Variants in P4HA1 observed in about 807,000 individuals in gnomAD.
The protein encoded by P4HA1 is prolyl 4-hydroxylase subunit alpha-1.
In P4HA1, 24 loss-of-function variants were observed where a neutral mutation model predicts 72.8. The ratio of observed to expected loss-of-function variants is 0.33; its 90% confidence interval spans 0.24 to 0.46. The LOEUF is 0.46. Among genes scored for constraint, P4HA1 ranks in the 20% least tolerant of loss-of-function variants. The pLI, the probability that P4HA1 is intolerant of heterozygous loss-of-function variation, is 1.00. For synonymous variants in P4HA1, 201 were observed against 218.8 expected (o/e 0.92, Z 0.72); for missense variants, 446 against 640.6 (o/e 0.70, Z 3.28).
intron 10 of P4HA1, among the ~76,000 whole-genome samples, chr10:73,028,327 C>CACACAA (rs1261803863): frequency 1.3e-5 from 2 of 150,084 alleles, no homozygotes; most frequent in African/African-American, 5.0e-5. Context: ...CACACACACA[C>CACACAA]ACACACACAC....
rs181643819 is a variant in P4HA1 at position 73,013,236 on chromosome 10, T to C, written c.1368+988A>G. On this transcript the variant is annotated intron_variant, in intron 12 of 14. Transcript: ENST00000394890. ...TTCGTCTGCAGTGGTAGGGTCTGTG[T>C]GCCCTCTCCTTGAAGCTGGGCAGAC... Among the ~76,000 whole-genome samples the C allele has an allele frequency of 2.2e-4, 33 of 152,370 alleles. No individual in the cohort carries two copies. In the East Asian group the frequency reaches 5.8e-3, roughly 27 times the overall value.
intron 9 of P4HA1, among the ~76,000 whole-genome samples, chr10:73,041,407 A>G (rs1269172731): frequency 6.6e-6 from 1 of 151,958 alleles, no homozygotes; most frequent in Non-Finnish European, 1.5e-5. Context: ...GCCGGGCAGC[A>G]GCGGGCGCCT....
Position 73,035,301 on chromosome 10 carries a change from G to A in P4HA1, c.1149-4931C>T, listed in dbSNP as rs78534348. ...GAAGCCAAGGTGGGAGGATCGTTTG[G>A]GGATAGGAGTTGAAGACCAGTCTGG... is the stretch of plus-strand genomic sequence containing the variant. On this transcript the variant is annotated intron_variant, in intron 9 of 14. Transcript: ENST00000394890. Among the ~76,000 whole-genome samples, 51 of 151,930 alleles carry A rather than the reference G, an allele frequency of 3.4e-4. 1 individual carries two copies. The East Asian group carries it at 6.4e-3, about 19-fold the overall frequency.
chr10:73,051,462 T>C (rs895685092), intron 6 of P4HA1, among the ~76,000 whole-genome samples: 3 of 152,268 alleles, frequency 2.0e-5, no homozygotes, highest in South Asian at 4.1e-4. Context: ...TAGTCACCTA[T>C]ATAAAAACAG....
At chr10:73,023,836 A>T (rs1413917724) in intron 10 of P4HA1, among the ~76,000 whole-genome samples, 7 of 151,784 alleles carry the variant, frequency 4.6e-5, no homozygotes, top group Non-Finnish European at 8.8e-5. Flanking sequence ...CAGCGGCTGC[A>T]ATCCTAGTCT....
intron 2 of P4HA1, 80 bp from the exon 3 acceptor site, chr10:73,073,907 C>A (rs1841629220): frequency 2.6e-6 from 2 of 757,690 alleles, no homozygotes; most frequent in Non-Finnish European, 4.8e-6. Context: ...GAGACTGTTT[C>A]ATTCTATGAG....
At chr10:73,091,403 G>A (rs892384794) in intron 1 of P4HA1, among the ~76,000 whole-genome samples, 6 of 152,096 alleles carry the variant, frequency 3.9e-5, no homozygotes, top group Non-Finnish European at 8.8e-5. Flanking sequence ...CTGGGCTCCA[G>A]AGATCTTCCC....
intron 10 of P4HA1, among the ~76,000 whole-genome samples, chr10:73,020,203 A>G (rs951196553): frequency 2.0e-5 from 3 of 152,132 alleles, no homozygotes; most frequent in African/African-American, 7.2e-5. Flanking sequence ...CAGAAATAAC[A>G]AAGGTGACAT....
At chr10:73,023,973 C>A (rs890255889) in intron 10 of P4HA1, among the ~76,000 whole-genome samples, 4 of 152,098 alleles carry the variant, frequency 2.6e-5, no homozygotes, top group African/African-American at 9.7e-5. Flanking sequence ...AATACAGGGG[C>A]ACCCAGATTC....
intron 5 of P4HA1, among the ~76,000 whole-genome samples, chr10:73,062,591 G>C (rs1195373696): frequency 6.6e-6 from 1 of 152,042 alleles, no homozygotes; most frequent in African/African-American, 2.4e-5. Flanking sequence ...TTAAGTGTCC[G>C]ATAACATCAC....
Position 73,046,900 on chromosome 10 carries a change from G to A in P4HA1, c.1077+25C>T, listed in dbSNP as rs200287308. 1.6e-5 allele frequency: 24 copies of A among 1,513,126 alleles called. No individual in the cohort carries two copies. The South Asian group carries it at 2.7e-4, about 17-fold the overall frequency. 93.7% of individuals were successfully genotyped at this position (1,513,126 alleles called of 1,614,324 possible). On this transcript the variant is annotated intron_variant, in intron 8 of 14. Transcript: ENST00000394890. Reference sequence around the variant, plus strand: ...TGATACAAAGGTACAGTAAATTGAGGAGAAAGAAAGAAAACATTATTTACC... The same window carrying A: ...TGATACAAAGGTACAGTAAATTGAGAAGAAAGAAAGAAAACATTATTTACC...
At chr10:73,043,870 C>A in intron 9 of P4HA1, 1 of 1,570,966 alleles carries the variant, frequency 6.4e-7, no homozygotes, top group South Asian at 1.1e-5. Flanking sequence ...CTAAAGTTCT[C>A]TCCATTACTC....
At position 73,010,943 on chromosome 10, in the gene P4HA1, A is replaced by G. The variant is rs769210298; in HGVS notation, c.1437+26T>C. Reference sequence around the variant, plus strand: ...TCTTCCTTAGGGAAAAAATTAATAAACCAAAAACAAAACAAACAGGCTTAC... The same window carrying G: ...TCTTCCTTAGGGAAAAAATTAATAAGCCAAAAACAAAACAAACAGGCTTAC... On this transcript the variant is annotated intron_variant, in intron 13 of 14. Transcript: ENST00000394890. 2.5e-6 allele frequency: 4 copies of G among 1,583,696 alleles called. No individual in the cohort carries two copies. In the Admixed American group the frequency reaches 5.1e-5, roughly 20 times the overall value.
chr10:73,091,060 CAAAAAAAAAAA>C (rs202009101), intron 1 of P4HA1, among the ~76,000 whole-genome samples: 4 of 49,294 alleles, frequency 8.1e-5, no homozygotes, highest in Admixed American at 2.4e-4. Flanking sequence ...GAGTCCATCT[CAAAAAAAAAAA>C]AAAAAAAAAA....
intron 10 of P4HA1, among the ~76,000 whole-genome samples, chr10:73,021,641 G>A (rs897045246): frequency 1.3e-5 from 2 of 152,198 alleles, no homozygotes; most frequent in Non-Finnish European, 2.9e-5. Flanking sequence ...GGACTGGTTG[G>A]ACAGTGGGTG....
intron 3 of P4HA1, among the ~76,000 whole-genome samples, chr10:73,073,522 G>GT (rs1355909428): frequency 6.6e-6 from 1 of 152,102 alleles, no homozygotes; most frequent in African/African-American, 2.4e-5. Context: ...CATCCGGCTG[G>GT]TATCTATCCA....
intron 1 of P4HA1, among the ~76,000 whole-genome samples, chr10:73,076,898 C>T (rs141159261): frequency 1.4e-4 from 21 of 152,278 alleles, no homozygotes; most frequent in Admixed American, 1.2e-3. Flanking sequence ...GAAAGCTCCC[C>T]GTTCTACAAG....
In P4HA1 at chr10:73,096,286, A is replaced by C. The variant is rs904112028; in HGVS notation, c.-33+480T>G. 8.5e-5 allele frequency among the ~76,000 whole-genome samples: 13 copies of C among 152,276 alleles called. No individual in the cohort carries two copies. In the South Asian group the frequency reaches 1.0e-3, roughly 12 times the overall value. On this transcript the variant is annotated intron_variant, in intron 1 of 14. Coordinates refer to ENST00000394890, the MANE Select transcript of P4HA1 (RefSeq NM_001017962.3). ...GGCAAAAATGCCTGGCGCGCTGCGG[A>C]TCCAGCTCCAAGCCTTAAAATCCGC...
At chr10:73,067,780 G>A (rs1157188030) in intron 5 of P4HA1, among the ~76,000 whole-genome samples, 1 of 151,748 alleles carries the variant, frequency 6.6e-6, no homozygotes, top group Non-Finnish European at 1.5e-5. Flanking sequence ...CCCTTATGAG[G>A]TCCAGCAATA....
Sources: gnomAD v4.1 joint callset for allele counts (sites outside exome capture counted in the v4.1 genomes callset) on GRCh38, gnomAD v4.1.1 for gene constraint, MANE v1.5 for transcripts, NCBI Gene and HGNC (gene_info 2026-07-23, HGNC 2026-07-21) for gene names.